Variants in SLC38A12 observed in about 807,000 individuals in gnomAD.
SLC38A12 encodes putative sodium-coupled neutral amino acid transporter 12.
chr17:74,833,624 G>A, the SLC38A12 span, among the ~76,000 whole-genome samples: 1 of 152,334 alleles, frequency 6.6e-6, no homozygotes, highest in South Asian at 2.1e-4. Context: ...AGAGAGCAGT[G>A]GCAGGGATGC....
the SLC38A12 span, among the ~76,000 whole-genome samples, chr17:74,809,194 G>A: frequency 1.3e-5 from 2 of 152,172 alleles, no homozygotes; most frequent in African/African-American, 2.4e-5. Context: ...GAAGTATATG[G>A]GTTTTTCTTG....
chr17:74,831,479 G>A, the SLC38A12 span, among the ~76,000 whole-genome samples: 1 of 152,184 alleles, frequency 6.6e-6, no homozygotes, highest in African/African-American at 2.4e-5. Context: ...GAAGTCTTCT[G>A]CCTCCCCTTG....
the SLC38A12 span, among the ~76,000 whole-genome samples, chr17:74,791,341 C>T: frequency 6.7e-6 from 1 of 149,084 alleles, no homozygotes; most frequent in African/African-American, 2.5e-5. Flanking sequence ...GAACCCCAGG[C>T]AGCTACTCCA....
At chr17:74,776,890 A>G in the SLC38A12 span, among the ~76,000 whole-genome samples, 18 of 152,254 alleles carry the variant, frequency 1.2e-4, no homozygotes, top group South Asian at 1.0e-3. Flanking sequence ...TTGGGCTCCC[A>G]TGTGTGGTAG....
the SLC38A12 span, among the ~76,000 whole-genome samples, chr17:74,782,732 C>T: frequency 2.6e-5 from 4 of 152,192 alleles, no homozygotes; most frequent in Admixed American, 2.0e-4. Flanking sequence ...TGAGCCAGGA[C>T]TCCCAAAGGG....
chr17:74,837,660 C>T, the SLC38A12 span: 4 of 985,528 alleles, frequency 4.1e-6, no homozygotes, highest in South Asian at 4.7e-5. Context: ...TCAGTGTTCA[C>T]GCTATATCCC....
At chr17:74,813,786 C>T in the SLC38A12 span, among the ~76,000 whole-genome samples, 1 of 151,724 alleles carries the variant, frequency 6.6e-6, no homozygotes, top group Admixed American at 6.6e-5. Flanking sequence ...CAGGTGTGAG[C>T]CACCATGCCT....
At chr17:74,801,688 T>A in the SLC38A12 span, among the ~76,000 whole-genome samples, 1 of 152,170 alleles carries the variant, frequency 6.6e-6, no homozygotes, top group African/African-American at 2.4e-5. Context: ...AACTCTAACT[T>A]CAGACAGCGA....
chr17:74,824,295 C>T, the SLC38A12 span, among the ~76,000 whole-genome samples: 1,273 of 152,294 alleles, frequency 8.4e-3, 25 homozygotes, highest in African/African-American at 0.028. Flanking sequence ...AGGCTCATCT[C>T]ACAGAGGGGC....
the SLC38A12 span, chr17:74,785,693 G>T: frequency 6.6e-7 from 1 of 1,510,266 alleles, no homozygotes; most frequent in South Asian, 1.3e-5. Flanking sequence ...GCACTGAGGG[G>T]GTGGGAAGAC....
chr17:74,802,296 C>T, the SLC38A12 span, among the ~76,000 whole-genome samples: 3 of 152,182 alleles, frequency 2.0e-5, no homozygotes, highest in Non-Finnish European at 4.4e-5. Flanking sequence ...AATACCTATG[C>T]GCCAGTTGAG....
At chr17:74,785,548 G>A in the SLC38A12 span, 11 of 1,614,056 alleles carry the variant, frequency 6.8e-6, no homozygotes, top group African/African-American at 6.7e-5. Context: ...CAAGGCATTC[G>A]CCACTGCCGG....
the SLC38A12 span, among the ~76,000 whole-genome samples, chr17:74,810,485 G>A: frequency 6.6e-6 from 1 of 152,334 alleles, no homozygotes; most frequent in South Asian, 2.1e-4. Flanking sequence ...CTGCAGAGAG[G>A]GACGTGCACT....
the SLC38A12 span, among the ~76,000 whole-genome samples, chr17:74,804,355 C>T: frequency 6.6e-6 from 1 of 152,270 alleles, no homozygotes; most frequent in African/African-American, 2.4e-5. Context: ...CACCTGTGTG[C>T]AGAGAAGAAA....
chr17:74,787,276 A>G, the SLC38A12 span, among the ~76,000 whole-genome samples: 4 of 151,756 alleles, frequency 2.6e-5, no homozygotes, highest in African/African-American at 9.7e-5. Context: ...CCTTGTCAAC[A>G]CTCAGGGAGA....
At chr17:74,777,515 G>T in the SLC38A12 span, 1 of 1,541,416 alleles carries the variant, frequency 6.5e-7, no homozygotes, top group Non-Finnish European at 8.8e-7. Context: ...AGTTCCATGG[G>T]GCAGCGACTA....
the SLC38A12 span, among the ~76,000 whole-genome samples, chr17:74,804,571 A>G: frequency 6.6e-6 from 1 of 152,252 alleles, no homozygotes; most frequent in East Asian, 1.9e-4. Context: ...ACAGTGGACC[A>G]AGGAACATTT....
At chr17:74,830,029 T>C in the SLC38A12 span, among the ~76,000 whole-genome samples, 1 of 152,282 alleles carries the variant, frequency 6.6e-6, no homozygotes, top group African/African-American at 2.4e-5. Flanking sequence ...GGCTCGCTAC[T>C]GACCACTCTG....
At chr17:74,779,897 C>T in the SLC38A12 span, among the ~76,000 whole-genome samples, 1 of 152,188 alleles carries the variant, frequency 6.6e-6, no homozygotes, top group Non-Finnish European at 1.5e-5. Context: ...AGACGAACCT[C>T]CTAGGTGGCT....
Sources: allele counts gnomAD v4.1 joint callset (sites outside exome capture counted in the v4.1 genomes callset), GRCh38; gene constraint gnomAD v4.1.1; transcripts MANE v1.5; gene names NCBI Gene and HGNC (gene_info 2026-07-23, HGNC 2026-07-21).